The following DENND1A variants were observed in gnomAD, a reference collection of about 807,000 sequenced individuals.
The protein encoded by DENND1A is DENN domain-containing protein 1A.
A neutral mutation model predicts 113.7 loss-of-function variants in DENND1A; 51 were observed. That is an observed-to-expected ratio of 0.45 (90% CI 0.36 to 0.57). The LOEUF (loss-of-function observed/expected upper bound fraction) is 0.57, where lower values mean the gene tolerates loss of function less well. Among genes scored for constraint, DENND1A ranks in the 20% least tolerant of loss-of-function variants. The pLI is 0.00. For missense variants in DENND1A, 1,258 were observed against 1,395.9 expected, an observed-to-expected ratio of 0.90 and a Z score of 1.57; for synonymous variants, 565 against 570.8, an observed-to-expected ratio of 0.99 and a Z score of 0.14.
At chr9:123,839,764 A>G (rs1484887388) in intron 2 of DENND1A, among the ~76,000 whole-genome samples, 1 of 152,236 alleles carries the variant, frequency 6.6e-6, no homozygotes, top group Admixed American at 6.5e-5. Context: ...CAATCTGTCT[A>G]TCAACATATT....
chr9:123,390,679 G>A (rs2131018778), intron 21 of DENND1A, among the ~76,000 whole-genome samples: 1 of 152,358 alleles, frequency 6.6e-6, no homozygotes, highest in East Asian at 1.9e-4. Flanking sequence ...CATCACTGGT[G>A]AAGAGGTGAC....
At chr9:123,572,772 T>A (rs2136388092) in intron 12 of DENND1A, among the ~76,000 whole-genome samples, 1 of 152,336 alleles carries the variant, frequency 6.6e-6, no homozygotes, top group African/African-American at 2.4e-5. Flanking sequence ...TAAATGATGC[T>A]TTTGGGGAGC....
At chr9:123,836,452 T>C (rs1472214652) in intron 2 of DENND1A, among the ~76,000 whole-genome samples, 1 of 152,094 alleles carries the variant, frequency 6.6e-6, no homozygotes, top group Non-Finnish European at 1.5e-5. Context: ...CAAGTTCATT[T>C]CTTCAGTCAA....
At chr9:123,881,979 C>T (rs114499457) in intron 1 of DENND1A, among the ~76,000 whole-genome samples, 1 of 152,266 alleles carries the variant, frequency 6.6e-6, no homozygotes, top group African/African-American at 2.4e-5. Context: ...CTTTTCTTGG[C>T]TTCCAGGACG....
chr9:123,780,945 G>A (rs1274519151), intron 3 of DENND1A, among the ~76,000 whole-genome samples: 3 of 152,130 alleles, frequency 2.0e-5, no homozygotes, highest in African/African-American at 7.2e-5. Flanking sequence ...CCTATCGATG[G>A]AATGCACCTT....
intron 2 of DENND1A, among the ~76,000 whole-genome samples, chr9:123,850,078 T>C (rs1397605704): frequency 6.6e-6 from 1 of 152,220 alleles, no homozygotes; most frequent in Non-Finnish European, 1.5e-5. Context: ...AAAGCATTTA[T>C]AATATTACAC....
intron 21 of DENND1A, chr9:123,401,973 A>G: frequency 9.3e-6 from 15 of 1,610,262 alleles, no homozygotes; most frequent in Non-Finnish European, 1.3e-5. Flanking sequence ...GTGACCCTGT[A>G]TCCTGGTACA....
intron 2 of DENND1A, among the ~76,000 whole-genome samples, chr9:123,792,987 T>TA (rs1833230306): frequency 6.6e-6 from 1 of 152,178 alleles, no homozygotes; most frequent in South Asian, 2.1e-4. Context: ...TTTGCATAGT[T>TA]ACAGATGTGG....
At chr9:123,781,148 A>G (rs528650962) in intron 3 of DENND1A, among the ~76,000 whole-genome samples, 3 of 152,298 alleles carry the variant, frequency 2.0e-5, no homozygotes, top group Admixed American at 2.0e-4. Flanking sequence ...CTCACTTCCA[A>G]CTTGCAGGAA....
chr9:123,525,839 G>A (rs964550739), intron 13 of DENND1A, among the ~76,000 whole-genome samples: 3 of 147,922 alleles, frequency 2.0e-5, no homozygotes, highest in Non-Finnish European at 3.0e-5. Flanking sequence ...ATTCACTGCA[G>A]CCTCAACCTC....
In DENND1A at chr9:123,635,545, G is replaced by A. The variant is rs576468416; in HGVS notation, c.619-5069C>T. Reference sequence around the variant, plus strand: ...AATAGATGAGGTAACAATACCTGCTGACATTGTTAAATGACACAGATATGC... The same window carrying A: ...AATAGATGAGGTAACAATACCTGCTAACATTGTTAAATGACACAGATATGC... On this transcript the variant is annotated intron_variant, in intron 9 of 23. Transcript: ENST00000394215. Among the ~76,000 whole-genome samples, 117 of 152,352 alleles carry A rather than the reference G, an allele frequency of 7.7e-4. 1 individual carries two copies. Among genetic ancestry groups the A allele is most frequent in the African/African-American group, 2.6e-3 (110 of 41,570 alleles).
chr9:123,922,290 G>A (rs1400065056), intron 1 of DENND1A, among the ~76,000 whole-genome samples: 1 of 152,086 alleles, frequency 6.6e-6, no homozygotes, highest in African/African-American at 2.4e-5. Context: ...ATCTTCAGCA[G>A]TAAAAACTAT....
intron 19 of DENND1A, chr9:123,414,430 T>C (rs1210744772): frequency 2.1e-6 from 3 of 1,461,260 alleles, no homozygotes; most frequent in Admixed American, 2.8e-5. Flanking sequence ...ACTTGGCAGA[T>C]GAAATCATCT....
Position 123,770,430 on chromosome 9 carries a change from T to C in DENND1A, c.133-867A>G, listed in dbSNP as rs138215687. ...ACATGACACACAATAAACAGTGGTGTATAACTTTCCCTAAAAGACACATTT... is the reference window on the plus strand; with the variant it reads ...ACATGACACACAATAAACAGTGGTGCATAACTTTCCCTAAAAGACACATTT... On this transcript the variant is annotated intron_variant, in intron 3 of 23. Transcript: ENST00000394215. Among the ~76,000 whole-genome samples, 636 of 152,308 alleles carry C rather than the reference T, an allele frequency of 4.2e-3. 2 individuals carry two copies. The highest frequency in any genetic ancestry group is 0.015 in the African/African-American group (605 of 41,570).
intron 1 of DENND1A, among the ~76,000 whole-genome samples, chr9:123,908,942 C>T (rs1301118407): frequency 6.6e-6 from 1 of 152,118 alleles, no homozygotes; most frequent in African/African-American, 2.4e-5. Context: ...AGACTTGGAA[C>T]CAACCCAAAT....
chr9:123,767,364 A>T (rs1293975307), intron 4 of DENND1A, among the ~76,000 whole-genome samples: 2 of 152,118 alleles, frequency 1.3e-5, no homozygotes, highest in African/African-American at 4.8e-5. Flanking sequence ...GTAAGGAATG[A>T]AATATTCAAA....
chr9:123,602,861 T>C (rs751388822), intron 11 of DENND1A, among the ~76,000 whole-genome samples: 2 of 152,192 alleles, frequency 1.3e-5, no homozygotes, highest in Non-Finnish European at 2.9e-5. Context: ...TTGTTTTTAA[T>C]TTTACGTAGA....
At chr9:123,413,753 C>T in intron 19 of DENND1A, 1 of 985,510 alleles carries the variant, frequency 1.0e-6, no homozygotes, top group Non-Finnish European at 1.2e-6. Flanking sequence ...GGGGGTGCTG[C>T]CTAGGGATGG....
chr9:123,553,660 A>G (rs993296897), intron 13 of DENND1A, among the ~76,000 whole-genome samples: 4 of 152,190 alleles, frequency 2.6e-5, no homozygotes, highest in Admixed American at 6.5e-5. Flanking sequence ...AACAAAAGAA[A>G]CGAAAAATCC....
Sources: gnomAD v4.1 joint callset for allele counts (sites outside exome capture counted in the v4.1 genomes callset) on GRCh38, gnomAD v4.1.1 for gene constraint, MANE v1.5 for transcripts, NCBI Gene and HGNC (gene_info 2026-07-23, HGNC 2026-07-21) for gene names.